Variants in RFX3 observed in about 807,000 individuals in gnomAD.
RFX3 encodes the protein regulatory factor X3.
Under a neutral mutation model 98.6 loss-of-function variants are expected in RFX3, and 14 were observed. The ratio of observed to expected loss-of-function variants is 0.14; its 90% CI spans 0.09 to 0.22. The LOEUF (loss-of-function observed/expected upper bound fraction) is 0.22. RFX3 is among the 10% of genes least tolerant of loss of function. The pLI is 1.00. For synonymous variants in RFX3, 383 were observed against 328.4 expected (o/e 1.17, Z -1.80); for missense variants, 639 against 926.9 (o/e 0.69, Z 4.03).
chr9:3,324,056 T>C (rs1209465752), intron 4 of RFX3: 1 of 452,758 alleles, frequency 2.2e-6, no homozygotes, highest in African/African-American at 2.0e-5. Context: ...CGGTTCATGG[T>C]AATCTGTCTG....
At chr9:3,322,411 T>C (rs1587057631) in intron 4 of RFX3, among the ~76,000 whole-genome samples, 2 of 152,294 alleles carry the variant, frequency 1.3e-5, no homozygotes, top group South Asian at 2.1e-4. Context: ...TTTCTAACTA[T>C]CTAGAAAAGC....
At chr9:3,395,156 CAA>C (rs1840725282) in intron 2 of RFX3, among the ~76,000 whole-genome samples, 1 of 152,014 alleles carries the variant, frequency 6.6e-6, no homozygotes, top group African/African-American at 2.4e-5. Context: ...TTGTGATAAA[CAA>C]TGAGGAGAGA....
In RFX3 at chr9:3,256,609, G is replaced by A. The variant is rs370144176; in HGVS notation, c.1814+382C>T. On this transcript the variant is annotated intron_variant, in intron 14 of 16. Coordinates refer to ENST00000617270, the MANE Select transcript of RFX3 (RefSeq NM_001282116.2). ...CACATTCTGAACATCACTAAACAGA[G>A]AACAAAAAGGAGACTAGTGTTAGGC... 4.9e-4 allele frequency among the ~76,000 whole-genome samples: 75 copies of A among 152,192 alleles called. 1 individual carries two copies. In the East Asian group the frequency reaches 0.011, roughly 22 times the overall value.
chr9:3,378,904 A>G (rs1564013841), intron 2 of RFX3, among the ~76,000 whole-genome samples: 1 of 152,092 alleles, frequency 6.6e-6, no homozygotes, highest in Non-Finnish European at 1.5e-5. Flanking sequence ...TAGAATAGAG[A>G]TGCTCCATTT....
intron 1 of RFX3, among the ~76,000 whole-genome samples, chr9:3,458,236 C>T (rs1847368094): frequency 1.3e-5 from 2 of 152,054 alleles, no homozygotes; most frequent in Admixed American, 6.6e-5. Flanking sequence ...GTCACCAATA[C>T]ATAGAATAAA....
At chr9:3,357,819 A>C (rs1282766884) in intron 2 of RFX3, among the ~76,000 whole-genome samples, 1 of 152,074 alleles carries the variant, frequency 6.6e-6, no homozygotes, top group East Asian at 1.9e-4. Context: ...TTCAGTACAT[A>C]TTGCATATGT....
intron 1 of RFX3, among the ~76,000 whole-genome samples, chr9:3,455,775 G>C (rs746338920): frequency 3.3e-5 from 5 of 152,112 alleles, no homozygotes; most frequent in Non-Finnish European, 7.4e-5. Context: ...TTATAATAAA[G>C]TTCCCAGATA....
At chr9:3,515,548 G>A (rs1818073377) in intron 1 of RFX3, among the ~76,000 whole-genome samples, 1 of 152,104 alleles carries the variant, frequency 6.6e-6, no homozygotes, top group Non-Finnish European at 1.5e-5. Context: ...GGGAAAATAT[G>A]TAATGCACTG....
chr9:3,296,054 A>G (rs1827944997), intron 5 of RFX3, among the ~76,000 whole-genome samples: 2 of 151,998 alleles, frequency 1.3e-5, no homozygotes, highest in African/African-American at 2.4e-5. Flanking sequence ...TTTCATGATC[A>G]TAGGAATTAT....
At chr9:3,492,940 G>C (rs528073315) in intron 1 of RFX3, among the ~76,000 whole-genome samples, 2 of 152,116 alleles carry the variant, frequency 1.3e-5, no homozygotes, top group Non-Finnish European at 2.9e-5. Context: ...TATTGGTGTC[G>C]GGGTGGGCCT....
chr9:3,260,878 T>A (rs1447127679), intron 13 of RFX3, among the ~76,000 whole-genome samples: 8 of 149,898 alleles, frequency 5.3e-5, no homozygotes, highest in African/African-American at 1.9e-4. Flanking sequence ...TATAAATATC[T>A]AATATAAAAT....
rs1828661984 is a variant in RFX3 at position 3,301,531 on chromosome 9, G to A, written c.549+15C>T. The A allele has an allele frequency of 1.9e-6, 3 of 1,579,122 alleles. No homozygotes were observed. Among genetic ancestry groups the A allele is most frequent in the Non-Finnish European group, 2.6e-6 (3 of 1,152,000 alleles). The stretch of plus-strand genomic sequence containing the variant: ...CAAGCAAGAGATTAGTGTACATGAA[G>A]AAGAGGCAACTTACATGGCTGTTGA... On this transcript the variant is annotated intron_variant, in intron 5 of 16. Coordinates refer to ENST00000617270, the MANE Select transcript of RFX3 (RefSeq NM_001282116.2).
intron 2 of RFX3, among the ~76,000 whole-genome samples, chr9:3,360,846 A>G (rs1836335033): frequency 6.6e-6 from 1 of 152,190 alleles, no homozygotes; most frequent in African/African-American, 2.4e-5. Context: ...AAATAAAATG[A>G]ATCACACCTC....
chr9:3,359,590 G>A (rs1836173759), intron 2 of RFX3, among the ~76,000 whole-genome samples: 1 of 152,002 alleles, frequency 6.6e-6, no homozygotes, highest in African/African-American at 2.4e-5. Flanking sequence ...TGCACATATA[G>A]AGCAGCAACA....
chr9:3,381,573 G>A (rs1358084136), intron 2 of RFX3, among the ~76,000 whole-genome samples: 1 of 152,072 alleles, frequency 6.6e-6, no homozygotes, highest in Non-Finnish European at 1.5e-5. Context: ...TCACAAATGG[G>A]ACAATGCTTC....
intron 1 of RFX3, among the ~76,000 whole-genome samples, chr9:3,400,851 T>G (rs1354836189): frequency 6.6e-6 from 1 of 152,174 alleles, no homozygotes; most frequent in Non-Finnish European, 1.5e-5. Context: ...ATAAAGAAAC[T>G]GAGGCACAAA....
intron 1 of RFX3, among the ~76,000 whole-genome samples, chr9:3,413,122 T>C (rs1195985845): frequency 6.7e-6 from 1 of 149,580 alleles, no homozygotes; most frequent in Non-Finnish European, 1.5e-5. Context: ...TATAGCAAGA[T>C]CGATTTTTTT....
At chr9:3,319,912 C>T (rs1831064755) in intron 4 of RFX3, among the ~76,000 whole-genome samples, 1 of 151,164 alleles carries the variant, frequency 6.6e-6, no homozygotes, top group Non-Finnish European at 1.5e-5. Context: ...CATCAACTTT[C>T]ATTCCAAAAT....
At chr9:3,361,194 C>T (rs144920550) in intron 2 of RFX3, among the ~76,000 whole-genome samples, 59 of 152,228 alleles carry the variant, frequency 3.9e-4, no homozygotes, top group African/African-American at 1.4e-3. Flanking sequence ...AAAGGACCCA[C>T]ATTATAACAG....
Sources: allele counts gnomAD v4.1 joint callset (sites outside exome capture counted in the v4.1 genomes callset), GRCh38; gene constraint gnomAD v4.1.1; transcripts MANE v1.5; gene names NCBI Gene and HGNC (gene_info 2026-07-23, HGNC 2026-07-21).